EMB: variants seen among roughly 807,000 people sequenced by gnomAD.
EMB encodes the protein embigin, also known as embigin homolog.
In EMB, 31 loss-of-function variants were observed where a neutral mutation model predicts 41.4. The observed-to-expected ratio is 0.75, with a 90% CI of 0.56 to 1.01. The LOEUF (loss-of-function observed/expected upper bound fraction) is 1.01. Ranked by LOEUF, EMB falls within the 50% of genes least tolerant of loss-of-function variation. The probability of loss-of-function intolerance (pLI) is 0.00; values close to 1 mark genes in which losing one functional copy is unlikely to be tolerated. For missense variants in EMB, 379 were observed against 388.3 expected (o/e 0.98, Z 0.20); for synonymous variants, 137 against 140.4 (o/e 0.98, Z 0.17).
At chr5:50,402,901 A>G (rs201150668) in intron 6 of EMB, among the ~76,000 whole-genome samples, 380 of 116,064 alleles carry the variant, frequency 3.3e-3, no homozygotes, top group African/African-American at 4.0e-3. Flanking sequence ...AAAAAAAAAG[A>G]GGGGGGTGGT....
intron 4 of EMB, among the ~76,000 whole-genome samples, chr5:50,409,901 A>T (rs568630938): frequency 1.3e-5 from 2 of 152,258 alleles, no homozygotes; most frequent in South Asian, 4.1e-4. Flanking sequence ...AGAATTTATT[A>T]TATTCACCAC....
In EMB at chr5:50,400,151, C is replaced by T. The variant is rs181615990; in HGVS notation, c.912-238G>A. Among the ~76,000 whole-genome samples, 548 of 152,092 alleles carry T rather than the reference C, an allele frequency of 3.6e-3. 13 individuals are homozygous for T. The highest frequency in any genetic ancestry group is 0.035 in the Admixed American group (537 of 15,236). On this transcript the variant is annotated intron_variant, in intron 7 of 8. Coordinates refer to ENST00000303221, the MANE Select transcript of EMB (RefSeq NM_198449.3). ...TTGATTTTATGCACAGGGAGAATTG[C>T]TTCTCCCCAAGCATGAGTGAGGACT...
intron 2 of EMB, among the ~76,000 whole-genome samples, chr5:50,417,497 C>A (rs535382182): frequency 2.9e-4 from 44 of 152,256 alleles, no homozygotes; most frequent in Non-Finnish European, 4.4e-5. Context: ...TATTTACATG[C>A]CATCTGATTA....
chr5:50,405,430 T>G (rs1309225158), intron 5 of EMB, among the ~76,000 whole-genome samples: 2 of 151,924 alleles, frequency 1.3e-5, no homozygotes, highest in Non-Finnish European at 2.9e-5. Flanking sequence ...ACTAGGCAAC[T>G]ACACACAAAA....
At chr5:50,421,015 A>G (rs1475960080) in intron 2 of EMB, among the ~76,000 whole-genome samples, 1 of 152,244 alleles carries the variant, frequency 6.6e-6, no homozygotes, top group African/African-American at 2.4e-5. Context: ...TTACTAATCT[A>G]GCAGGGGACA....
chr5:50,437,888 T>A (rs1561142618), intron 1 of EMB, among the ~76,000 whole-genome samples: 1 of 152,178 alleles, frequency 6.6e-6, no homozygotes, highest in East Asian at 1.9e-4. Flanking sequence ...ATTTGTGTCA[T>A]GTAATAGTAA....
intron 2 of EMB, among the ~76,000 whole-genome samples, chr5:50,419,623 A>T (rs932093705): frequency 6.6e-6 from 1 of 152,032 alleles, no homozygotes; most frequent in Admixed American, 6.6e-5. Context: ...TGAAGACTGG[A>T]GAGGGTGTGG....
chr5:50,431,866 G>T (rs1470532164), intron 1 of EMB, among the ~76,000 whole-genome samples: 1 of 152,180 alleles, frequency 6.6e-6, no homozygotes, highest in African/African-American at 2.4e-5. Flanking sequence ...CTGCATCAAA[G>T]AAGTGAGTAA....
At chr5:50,417,667 T>C (rs1355835069) in intron 2 of EMB, among the ~76,000 whole-genome samples, 1 of 152,214 alleles carries the variant, frequency 6.6e-6, no homozygotes, top group Non-Finnish European at 1.5e-5. Flanking sequence ...TTTATATGTA[T>C]ATAAAATCTC....
intron 1 of EMB, among the ~76,000 whole-genome samples, chr5:50,438,011 C>G (rs1397023694): frequency 6.6e-6 from 1 of 152,180 alleles, no homozygotes; most frequent in South Asian, 2.1e-4. Flanking sequence ...TATTCCAGGA[C>G]TCAAACTGTG....
intron 1 of EMB, among the ~76,000 whole-genome samples, chr5:50,435,548 G>A (rs1331605864): frequency 6.6e-6 from 1 of 152,118 alleles, no homozygotes; most frequent in East Asian, 1.9e-4. Context: ...TTATATTTGA[G>A]GTAGGCATCT....
At chr5:50,432,991 T>C (rs907002578) in intron 1 of EMB, among the ~76,000 whole-genome samples, 4 of 151,990 alleles carry the variant, frequency 2.6e-5, no homozygotes, top group African/African-American at 9.7e-5. Context: ...GACAGGAGAA[T>C]TGCTTGAACC....
intron 1 of EMB, among the ~76,000 whole-genome samples, chr5:50,438,903 CT>C (rs747192110): frequency 0.021 from 2,961 of 140,640 alleles, 68 homozygotes; most frequent in African/African-American, 0.055. Context: ...TGTTTCCTAC[CT>C]TTTTTTTTTT....
At chr5:50,417,423 C>T (rs1382765797) in intron 2 of EMB, among the ~76,000 whole-genome samples, 1 of 152,138 alleles carries the variant, frequency 6.6e-6, no homozygotes, top group Non-Finnish European at 1.5e-5. Context: ...TCACTTCTCT[C>T]CCAAATAAGT....
rs1745654052 is a variant in EMB, at chr5:50,428,242, A to G, written c.113-15T>C. ...AAAAGGCGAATCTATAAGAGAAAGA[A>G]CACATGATTACACACTCTTATCAAG... On this transcript the variant is annotated splice_polypyrimidine_tract_variant and intron_variant, in intron 1 of 8. Coordinates refer to ENST00000303221, the MANE Select transcript of EMB (RefSeq NM_198449.3). 3 of 1,535,848 alleles carry G rather than the reference A, an allele frequency of 2.0e-6. No homozygotes were observed. Among genetic ancestry groups the G allele is most frequent in the Non-Finnish European group, 9.0e-7 (1 of 1,110,750 alleles).
chr5:50,430,299 C>A (rs1745695986), intron 1 of EMB, among the ~76,000 whole-genome samples: 1 of 152,144 alleles, frequency 6.6e-6, no homozygotes, highest in Non-Finnish European at 1.5e-5. Flanking sequence ...AGGGATACCC[C>A]ACTGTACAGC....
rs1347717738 is a variant in EMB, at chr5:50,399,870, G to C, written c.955C>G (p.His319Asp). ...SNGIENNVPR[H>D]RKNESLGQ ...CAGAAGTAACTTACATTTTTTCTAT[G>C]CCTGGGGACATTATTTTCTATACCA... is the stretch of plus-strand genomic sequence containing the variant. The change falls in exon 8 of 9, where the codon CAT becomes GAT. Residue 319 changes from histidine to aspartate, a missense_variant. Physicochemically the swap from His to Asp is moderately conservative, Grantham distance 81. Coordinates refer to ENST00000303221, the MANE Select transcript of EMB (RefSeq NM_198449.3). The C allele has an allele frequency of 6.2e-7, 1 of 1,603,260 alleles. No individual in the cohort carries two copies. The highest frequency in any genetic ancestry group is 1.3e-5 in the African/African-American group (1 of 74,210).
intron 2 of EMB, among the ~76,000 whole-genome samples, chr5:50,419,255 C>G (rs899225059): frequency 6.6e-6 from 1 of 152,078 alleles, no homozygotes; most frequent in Non-Finnish European, 1.5e-5. Context: ...AAATCAAAAT[C>G]ATCTCAAGCC....
chr5:50,406,601 A>G (rs565403412), intron 4 of EMB, among the ~76,000 whole-genome samples: 110 of 152,094 alleles, frequency 7.2e-4, no homozygotes, highest in Non-Finnish European at 1.4e-3. Context: ...AAAAGCCTAC[A>G]TGGTGCAATC....
Sources: allele counts gnomAD v4.1 joint callset (sites outside exome capture counted in the v4.1 genomes callset), GRCh38; gene constraint gnomAD v4.1.1; transcripts MANE v1.5; gene names NCBI Gene and HGNC (gene_info 2026-07-23, HGNC 2026-07-21).